The following AKAP13 variants were observed in gnomAD, a reference collection of about 807,000 sequenced individuals.
AKAP13 encodes the protein A-kinase anchoring protein 13.
Under a neutral mutation model 264.5 loss-of-function variants are expected in AKAP13, and 80 were observed. The observed-to-expected ratio is 0.30, with a 90% confidence interval of 0.25 to 0.36. The LOEUF (loss-of-function observed/expected upper bound fraction) is 0.36. AKAP13 is among the 10% of genes least tolerant of loss of function. The pLI is 1.00. For synonymous variants in AKAP13, 1,380 were observed against 1,250.2 expected (o/e 1.10, Z -2.19); for missense variants, 3,712 against 3,435.2 (o/e 1.08, Z -2.01).
At chr15:85,722,188 CT>C in intron 24 of AKAP13, 41 bp from the exon 25 acceptor site, 1 of 1,609,180 alleles carries the variant, frequency 6.2e-7, no homozygotes. Flanking sequence ...TCACTAGAGC[CT>C]TTTTCATGTG....
intron 2 of AKAP13, among the ~76,000 whole-genome samples, chr15:85,501,492 A>ATG (rs2076036187): frequency 6.6e-6 from 1 of 152,204 alleles, no homozygotes; most frequent in Non-Finnish European, 1.5e-5. Flanking sequence ...CATACTGTAT[A>ATG]TGTGTGCATT....
rs375010862 is a variant in AKAP13 at position 85,521,571 on chromosome 15, T to G, written c.177T>G (p.Ala59=). 28 of 1,613,760 alleles carry G rather than the reference T, an allele frequency of 1.7e-5. No individual in the cohort carries two copies. The highest frequency in any genetic ancestry group is 2.4e-5 in the Non-Finnish European group (28 of 1,179,878). The change falls in exon 3 of 37, where the codon GCT becomes GCG. Residue 59 remains alanine (A), a synonymous_variant. Coordinates refer to ENST00000394518, the MANE Select transcript of AKAP13 (RefSeq NM_007200.5). ...KVSSDTLETI[A]PGHDCCETVK... Reference sequence around the variant, plus strand: ...GTTCTGATACATTGGAGACCATTGCTCCTGGTAAGTATTTGAATGGGATCC... The same window carrying G: ...GTTCTGATACATTGGAGACCATTGCGCCTGGTAAGTATTTGAATGGGATCC...
At chr15:85,593,055 A>G (rs956716832) in intron 8 of AKAP13, among the ~76,000 whole-genome samples, 2 of 152,178 alleles carry the variant, frequency 1.3e-5, no homozygotes, top group African/African-American at 4.8e-5. Flanking sequence ...AAATACTGTA[A>G]TCCCAGCACT....
intron 2 of AKAP13, among the ~76,000 whole-genome samples, chr15:85,491,859 G>T (rs1411042710): frequency 6.6e-6 from 1 of 152,104 alleles, no homozygotes; most frequent in African/African-American, 2.4e-5. Flanking sequence ...AGTTAAGAAA[G>T]CACATTTGCA....
intron 1 of AKAP13, among the ~76,000 whole-genome samples, chr15:85,471,623 A>G (rs1308217707): frequency 6.6e-6 from 1 of 152,224 alleles, no homozygotes; most frequent in Non-Finnish European, 1.5e-5. Context: ...CACCACCACA[A>G]TCAGCAAATA....
At chr15:85,631,502 T>TCACACACACACACACACA (rs55928032) in intron 8 of AKAP13, among the ~76,000 whole-genome samples, 1 of 140,958 alleles carries the variant, frequency 7.1e-6, no homozygotes, top group African/African-American at 2.7e-5. Flanking sequence ...TCTCTCTCTC[T>TCACACACACACACACACA]CACACACACA....
At chr15:85,669,898 C>A in intron 14 of AKAP13, 68 bp downstream of exon 14, 1 of 1,222,326 alleles carries the variant, frequency 8.2e-7, no homozygotes, top group South Asian at 1.5e-5. Context: ...TTATTTTTCT[C>A]ACTTTAAGGC....
intron 15 of AKAP13, chr15:85,684,339 A>G (rs1290659808): frequency 6.5e-6 from 1 of 153,502 alleles, no homozygotes; most frequent in African/African-American, 2.4e-5. Flanking sequence ...AGGTGGGAGG[A>G]TTGTGTGAAG....
intron 9 of AKAP13, 43 bp from the exon 10 acceptor site, chr15:85,645,775 G>GTTTTTTTTTTTT: frequency 1.5e-6 from 2 of 1,371,588 alleles, no homozygotes; most frequent in Non-Finnish European, 9.6e-7. Flanking sequence ...TGGTTTTTTT[G>GTTTTTTTTTTTT]TTTTTTTTTT....
intron 6 of AKAP13, among the ~76,000 whole-genome samples, chr15:85,575,963 G>T (rs779153606): frequency 1.3e-5 from 2 of 152,230 alleles, no homozygotes; most frequent in Non-Finnish European, 2.9e-5. Context: ...TCCTGCCGGG[G>T]TGACAGAGCA....
rs755955532 is a variant in AKAP13 at position 85,543,952 on chromosome 15, C to T, written c.659C>T (p.Thr220Ile). ...RGYHKLHQLLTEENAGEPDSW... is the reference protein window; with the variant it reads ...RGYHKLHQLLIEENAGEPDSW... ...TATCACAAGCTGCACCAGCTTCTAACCGAGTAAGTGCTCCTTCTGCCTTAT... is the reference window on the plus strand; with the variant it reads ...TATCACAAGCTGCACCAGCTTCTAATCGAGTAAGTGCTCCTTCTGCCTTAT... The change falls in exon 5 of 37, where the codon ACC becomes ATC. Residue 220 changes from threonine (T) to isoleucine (I), a missense_variant. Around this residue, in one of 3 missense-constraint regions of AKAP13, gnomAD observed 2,759 missense variants for 2,411.7 expected, o/e 1.14. Transcript: ENST00000394518. 1 of 1,611,794 alleles carries T rather than the reference C, an allele frequency of 6.2e-7. No homozygotes were observed. Among genetic ancestry groups the T allele is most frequent in the East Asian group, 2.2e-5 (1 of 44,830 alleles).
intron 1 of AKAP13, among the ~76,000 whole-genome samples, chr15:85,457,719 A>G (rs944155802): frequency 4.1e-4 from 62 of 152,208 alleles, no homozygotes; most frequent in Admixed American, 1.2e-3. Flanking sequence ...AAGGATTTTG[A>G]GTTGACTACA....
At chr15:85,444,874 A>T (rs548643221) in intron 1 of AKAP13, among the ~76,000 whole-genome samples, 1 of 152,318 alleles carries the variant, frequency 6.6e-6, no homozygotes, top group South Asian at 2.1e-4. Context: ...GTTACCACAA[A>T]AGGAGTTAAC....
At chr15:85,675,798 C>T (rs2084194411) in intron 14 of AKAP13, among the ~76,000 whole-genome samples, 1 of 152,124 alleles carries the variant, frequency 6.6e-6, no homozygotes. Context: ...GGAATTTGGG[C>T]CTCTTGCCTG....
chr15:85,612,592 C>T (rs867754536), intron 8 of AKAP13, among the ~76,000 whole-genome samples: 6 of 151,932 alleles, frequency 3.9e-5, no homozygotes, highest in Non-Finnish European at 7.4e-5. Flanking sequence ...GAGGCCGAGG[C>T]GGGTGGATCA....
At chr15:85,595,587 CCTGT>C (rs2079783865) in intron 8 of AKAP13, among the ~76,000 whole-genome samples, 1 of 152,164 alleles carries the variant, frequency 6.6e-6, no homozygotes, top group Non-Finnish European at 1.5e-5. Context: ...TTGAAAAGTG[CCTGT>C]CTGAAACGTA....
intron 10 of AKAP13, among the ~76,000 whole-genome samples, chr15:85,651,286 G>C (rs1165228021): frequency 6.6e-6 from 1 of 152,112 alleles, no homozygotes; most frequent in Admixed American, 6.5e-5. Context: ...CCACTACTTA[G>C]ATCCTACAAT....
chr15:85,638,409 A>G (rs921833801), intron 8 of AKAP13, among the ~76,000 whole-genome samples: 2 of 152,210 alleles, frequency 1.3e-5, no homozygotes, highest in African/African-American at 2.4e-5. Flanking sequence ...TTTATGTGAT[A>G]GAATATGAAC....
At chr15:85,644,464 A>G (rs2082455220) in intron 9 of AKAP13, among the ~76,000 whole-genome samples, 1 of 149,124 alleles carries the variant, frequency 6.7e-6, no homozygotes, top group East Asian at 2.0e-4. Context: ...CTGTTCTCGA[A>G]CTCTGGCCGC....
Sources: allele counts gnomAD v4.1 joint callset (sites outside exome capture counted in the v4.1 genomes callset), GRCh38; gene constraint gnomAD v4.1.1; regional missense constraint gnomAD v4.1.1; transcripts MANE v1.5; gene names NCBI Gene and HGNC (gene_info 2026-07-23, HGNC 2026-07-21).